Variants in PCDH15 observed in about 807,000 individuals in gnomAD.
The protein encoded by PCDH15 is protocadherin related 15.
Under a neutral mutation model 178.5 loss-of-function variants are expected in PCDH15, and 129 were observed. The observed-to-expected ratio is 0.72, with a 90% CI of 0.63 to 0.84. The LOEUF (loss-of-function observed/expected upper bound fraction) is 0.84, where lower values mean the gene tolerates loss of function less well. PCDH15 is among the 40% of genes least tolerant of loss of function. The pLI is 0.00. For synonymous variants in PCDH15, 800 were observed against 732.0 expected (o/e 1.09, Z -1.50); for missense variants, 2,230 against 2,099.9 (o/e 1.06, Z -1.21).
intron 8 of PCDH15, among the ~76,000 whole-genome samples, chr10:54,311,567 A>C (rs574756436): frequency 6.6e-6 from 1 of 152,180 alleles, no homozygotes; most frequent in East Asian, 1.9e-4. Flanking sequence ...TCTGGGCAAT[A>C]ATTTATTTCA....
chr10:53,812,792 G>A (rs1050381597), intron 35 of PCDH15, among the ~76,000 whole-genome samples: 3 of 152,046 alleles, frequency 2.0e-5, no homozygotes, highest in Non-Finnish European at 2.9e-5. Context: ...AGAGAGGGGG[G>A]AAAAGGATAG....
chr10:54,013,554 C>T (rs2092653766), intron 20 of PCDH15, among the ~76,000 whole-genome samples: 6 of 152,102 alleles, frequency 3.9e-5, no homozygotes, highest in Admixed American at 3.9e-4. Context: ...ATCATACCAA[C>T]CACACTCTCT....
chr10:54,576,281 T>A (rs2090475009), intron 2 of PCDH15, among the ~76,000 whole-genome samples: 1 of 152,196 alleles, frequency 6.6e-6, no homozygotes. Context: ...TCTATAAAAA[T>A]TAGCATTGGA....
intron 13 of PCDH15, among the ~76,000 whole-genome samples, chr10:54,166,791 C>A (rs998521568): frequency 2.8e-4 from 42 of 152,168 alleles, no homozygotes; most frequent in Non-Finnish European, 4.0e-4. Flanking sequence ...CCCTGCCCCA[C>A]CTTAACTGAT....
chr10:54,373,916 G>T (rs1948046546), intron 4 of PCDH15, among the ~76,000 whole-genome samples: 1 of 151,930 alleles, frequency 6.6e-6, no homozygotes, highest in South Asian at 2.1e-4. Context: ...GGAAGGTATG[G>T]TAAGAAAAAA....
chr10:54,025,760 G>A (rs1460098848), intron 18 of PCDH15, among the ~76,000 whole-genome samples: 1 of 152,048 alleles, frequency 6.6e-6, no homozygotes, highest in Non-Finnish European at 1.5e-5. Flanking sequence ...GCCTCCCAAA[G>A]TGCTGGGATT....
At chr10:54,065,525 A>T (rs2094120307) in intron 18 of PCDH15, among the ~76,000 whole-genome samples, 1 of 152,330 alleles carries the variant, frequency 6.6e-6, no homozygotes, top group Middle Eastern at 3.4e-3. Context: ...GAGCCTTCAG[A>T]TGGGATGCTG....
At chr10:53,968,461 T>G (rs900194668) in intron 21 of PCDH15, among the ~76,000 whole-genome samples, 3 of 152,200 alleles carry the variant, frequency 2.0e-5, no homozygotes, top group Non-Finnish European at 4.4e-5. Context: ...CAGAAACTTC[T>G]GCAGACTTCA....
At chr10:55,178,891 A>G (rs559126797) in intron 1 of PCDH15, among the ~76,000 whole-genome samples, 2 of 152,256 alleles carry the variant, frequency 1.3e-5, no homozygotes, top group Admixed American at 1.3e-4. Flanking sequence ...CTTTTCTAAA[A>G]TTTAACTGCC....
At chr10:55,559,438 T>C (rs965626854) in intron 2 of PCDH15, among the ~76,000 whole-genome samples, 48 of 152,074 alleles carry the variant, frequency 3.2e-4, no homozygotes, top group African/African-American at 1.0e-3. Flanking sequence ...GCAAATCATA[T>C]GTGGCCATTA....
chr10:54,137,185 CACTT>C (rs2042981360), intron 14 of PCDH15, among the ~76,000 whole-genome samples: 1 of 151,814 alleles, frequency 6.6e-6, no homozygotes, highest in African/African-American at 2.4e-5. Flanking sequence ...ATATAAATAA[CACTT>C]TACGCAAGCA....
chr10:54,010,432 C>T (rs1042225521), intron 20 of PCDH15, among the ~76,000 whole-genome samples: 1 of 152,274 alleles, frequency 6.6e-6, no homozygotes, highest in Admixed American at 6.5e-5. Context: ...CTCCACAGTC[C>T]TCATTCCTGT....
intron 7 of PCDH15, among the ~76,000 whole-genome samples, chr10:54,320,107 C>A (rs958608513): frequency 2.0e-5 from 3 of 151,968 alleles, no homozygotes; most frequent in African/African-American, 4.8e-5. Context: ...TTATTCAAAC[C>A]TAAAGACATT....
chr10:54,692,460 C>T (rs2095138932), intron 1 of PCDH15, among the ~76,000 whole-genome samples: 1 of 152,158 alleles, frequency 6.6e-6, no homozygotes. Flanking sequence ...AGTCATCTAA[C>T]TTTAAACTTC....
intron 25 of PCDH15, among the ~76,000 whole-genome samples, chr10:53,929,018 C>G (rs531546211): frequency 6.6e-6 from 1 of 152,078 alleles, no homozygotes; most frequent in African/African-American, 2.4e-5. Context: ...ATTTTGCTTG[C>G]CCATGGCAGC....
chr10:54,900,564 A>G (rs940493530), intron 2 of PCDH15, among the ~76,000 whole-genome samples: 2 of 152,226 alleles, frequency 1.3e-5, no homozygotes, highest in African/African-American at 2.4e-5. Flanking sequence ...TAAAAATTGC[A>G]TTCTACAGAT....
intron 2 of PCDH15, among the ~76,000 whole-genome samples, chr10:55,155,115 C>T (rs1838848513): frequency 6.6e-6 from 1 of 151,938 alleles, no homozygotes; most frequent in South Asian, 2.1e-4. Context: ...CACATTATTG[C>T]AATAAGGATT....
chr10:55,223,903 G>A (rs1412316673), intron 1 of PCDH15, among the ~76,000 whole-genome samples: 1 of 152,056 alleles, frequency 6.6e-6, no homozygotes, highest in Admixed American at 6.5e-5. Flanking sequence ...ACCGCACATA[G>A]TACTGAAGCA....
chr10:54,527,359 G>A (rs1057497020), intron 3 of PCDH15, among the ~76,000 whole-genome samples: 3 of 152,024 alleles, frequency 2.0e-5, no homozygotes, highest in African/African-American at 7.2e-5. Flanking sequence ...AGCACATTAG[G>A]TTTTCCTATT....
Sources: allele counts gnomAD v4.1 joint callset (sites outside exome capture counted in the v4.1 genomes callset), GRCh38; gene constraint gnomAD v4.1.1; transcripts MANE v1.5; gene names NCBI Gene and HGNC (gene_info 2026-07-23, HGNC 2026-07-21).